FHIT: variants seen among roughly 807,000 people sequenced by gnomAD.
The protein encoded by FHIT is bis(5'-adenosyl)-triphosphatase.
In FHIT, 19 loss-of-function variants were observed where a neutral mutation model predicts 17.9. The observed-to-expected ratio is 1.06, with a 90% CI of 0.74 to 1.56. The LOEUF (loss-of-function observed/expected upper bound fraction) is 1.56, where lower values mean the gene tolerates loss of function less well. Among genes scored for constraint, FHIT ranks in the 40% most tolerant of loss-of-function variants. The pLI is 0.00. For missense variants in FHIT, 248 were observed against 189.2 expected (o/e 1.31, Z -1.82); for synonymous variants, 81 against 69.7 (o/e 1.16, Z -0.81).
chr3:60,082,528 T>C (rs942292431), intron 5 of FHIT, among the ~76,000 whole-genome samples: 6 of 152,114 alleles, frequency 3.9e-5, no homozygotes, highest in Non-Finnish European at 7.4e-5. Context: ...AGCTCTGTTT[T>C]AAGTTCACTG....
At chr3:60,132,093 T>G (rs1400371654) in intron 5 of FHIT, among the ~76,000 whole-genome samples, 4 of 152,166 alleles carry the variant, frequency 2.6e-5, no homozygotes, top group Non-Finnish European at 4.4e-5. Flanking sequence ...GACCTTCACA[T>G]CTTTCAGGCT....
chr3:61,003,298 T>C (rs2031223263), intron 3 of FHIT, among the ~76,000 whole-genome samples: 1 of 152,222 alleles, frequency 6.6e-6, no homozygotes, highest in Non-Finnish European at 1.5e-5. Flanking sequence ...CACGCCACAC[T>C]GTTATTCCTT....
At chr3:60,486,653 G>C (rs913757209) in intron 5 of FHIT, among the ~76,000 whole-genome samples, 2 of 152,156 alleles carry the variant, frequency 1.3e-5, no homozygotes, top group African/African-American at 4.8e-5. Context: ...CCAGATGCTA[G>C]TAAATCTTAA....
intron 5 of FHIT, among the ~76,000 whole-genome samples, chr3:60,154,581 G>C (rs1164095217): frequency 6.6e-6 from 1 of 152,070 alleles, no homozygotes; most frequent in African/African-American, 2.4e-5. Flanking sequence ...AATATTCCAA[G>C]CTGTTATTAG....
At chr3:59,955,100 G>A (rs762460544) in intron 7 of FHIT, among the ~76,000 whole-genome samples, 11 of 152,130 alleles carry the variant, frequency 7.2e-5, no homozygotes, top group Non-Finnish European at 1.3e-4. Flanking sequence ...CTGTAATATA[G>A]GAAAAACAAC....
chr3:59,847,867 G>C (rs1044381069), intron 8 of FHIT, among the ~76,000 whole-genome samples: 14 of 152,114 alleles, frequency 9.2e-5, no homozygotes, highest in African/African-American at 3.1e-4. Context: ...GCTATCTAAA[G>C]TCTCCCACAT....
At chr3:60,892,485 T>C (rs781944540) in intron 3 of FHIT, among the ~76,000 whole-genome samples, 4 of 152,174 alleles carry the variant, frequency 2.6e-5, no homozygotes, top group Admixed American at 2.0e-4. Context: ...TTGTAATGTA[T>C]ATTAGAGTGT....
At chr3:60,016,716 A>C (rs141977537) in intron 5 of FHIT, among the ~76,000 whole-genome samples, 1 of 152,334 alleles carries the variant, frequency 6.6e-6, no homozygotes, top group Admixed American at 6.5e-5. Context: ...GGTGTTAGAT[A>C]AACTTTTCCA....
intron 5 of FHIT, among the ~76,000 whole-genome samples, chr3:60,174,058 C>G (rs1208226128): frequency 1.3e-5 from 2 of 150,546 alleles, no homozygotes; most frequent in Non-Finnish European, 3.0e-5. Context: ...GGATTGCAGG[C>G]ATCTGCCACC....
chr3:59,777,053 A>G (rs1398028557), intron 8 of FHIT, among the ~76,000 whole-genome samples: 1 of 152,128 alleles, frequency 6.6e-6, no homozygotes, highest in Admixed American at 6.5e-5. Flanking sequence ...ACATTCTTCA[A>G]GAACTCCAAG....
At chr3:60,358,284 T>C (rs1185015508) in intron 5 of FHIT, among the ~76,000 whole-genome samples, 2 of 152,200 alleles carry the variant, frequency 1.3e-5, no homozygotes, top group Admixed American at 6.5e-5. Context: ...CCAGCCACTA[T>C]TTGGAGATTT....
At chr3:60,181,809 GT>G (rs1243078516) in intron 5 of FHIT, among the ~76,000 whole-genome samples, 2 of 152,084 alleles carry the variant, frequency 1.3e-5, no homozygotes, top group Admixed American at 1.3e-4. Flanking sequence ...CATTCTGACA[GT>G]TATATCCTTC....
chr3:60,989,470 A>G (rs768828481), intron 3 of FHIT, among the ~76,000 whole-genome samples: 4 of 152,294 alleles, frequency 2.6e-5, no homozygotes, highest in South Asian at 4.1e-4. Context: ...CTTGCTACAT[A>G]TAAGACACTT....
chr3:60,351,448 T>C (rs1699390477), intron 5 of FHIT, among the ~76,000 whole-genome samples: 1 of 152,170 alleles, frequency 6.6e-6, no homozygotes, highest in South Asian at 2.1e-4. Context: ...GCACATTTTC[T>C]TCCTTTGACT....
chr3:59,919,252 G>T (rs1705288461), intron 8 of FHIT, among the ~76,000 whole-genome samples: 1 of 152,184 alleles, frequency 6.6e-6, no homozygotes, highest in African/African-American at 2.4e-5. Context: ...CTCTGTGCTT[G>T]AGTGAATCCA....
intron 5 of FHIT, among the ~76,000 whole-genome samples, chr3:60,493,202 G>C (rs2034141080): frequency 6.6e-6 from 1 of 152,086 alleles, no homozygotes; most frequent in East Asian, 1.9e-4. Flanking sequence ...ATTGACTTAA[G>C]GACAATACAC....
At chr3:60,811,579 A>G (rs2106717538) in intron 4 of FHIT, among the ~76,000 whole-genome samples, 1 of 152,256 alleles carries the variant, frequency 6.6e-6, no homozygotes, top group South Asian at 2.1e-4. Context: ...TTTATAAGCT[A>G]CCCTGAAGGA....
At chr3:60,478,922 A>G (rs777876287) in intron 5 of FHIT, among the ~76,000 whole-genome samples, 23 of 152,208 alleles carry the variant, frequency 1.5e-4, no homozygotes, top group Non-Finnish European at 3.4e-4. Flanking sequence ...GAAACGCAAT[A>G]TAACTATTGC....
intron 5 of FHIT, among the ~76,000 whole-genome samples, chr3:60,129,042 CTTTTTTGTTTGTTTT>C (rs1187002499): frequency 8.8e-6 from 1 of 113,012 alleles, no homozygotes; most frequent in African/African-American, 3.4e-5. Flanking sequence ...TTCTTCTTTC[CTTTTTTGTTTGTTTT>C]TTTTTTTTTT....
Sources: allele counts gnomAD v4.1 joint callset (sites outside exome capture counted in the v4.1 genomes callset), GRCh38; gene constraint gnomAD v4.1.1; transcripts MANE v1.5; gene names NCBI Gene and HGNC (gene_info 2026-07-23, HGNC 2026-07-21).